The following CSE1L variants were observed in gnomAD, a reference collection of about 807,000 sequenced individuals.
CSE1L encodes the protein exportin-2.
A neutral mutation model predicts 120.4 loss-of-function variants in CSE1L; 24 were observed. The observed-to-expected ratio is 0.20, with a 90% CI of 0.14 to 0.28. The LOEUF (loss-of-function observed/expected upper bound fraction) is 0.28, where lower values mean the gene tolerates loss of function less well. Ranked by LOEUF, CSE1L falls within the 10% of genes least tolerant of loss-of-function variation. The pLI, the probability that CSE1L is intolerant of heterozygous loss-of-function variation, is 1.00. For synonymous variants in CSE1L, 402 were observed against 398.3 expected (o/e 1.01, Z -0.11); for missense variants, 830 against 1,145.2 (o/e 0.72, Z 3.97).
rs1409108816 is a variant in CSE1L, at chr20:49,096,508, A to G, written c.*70A>G. 1.3e-5 allele frequency: 15 copies of G among 1,151,790 alleles called. No homozygotes were observed. The highest frequency in any genetic ancestry group is 1.7e-5 in the Non-Finnish European group (13 of 766,896). 71.3% of individuals were successfully genotyped at this position (1,151,790 alleles called of 1,614,324 possible). ...ATCACAGGCTTCTGAGCACAGCTGC[A>G]TTAAAACAAAGGAAGTTCTCCTTTT... On this transcript the variant is annotated 3_prime_UTR_variant, in exon 25 of 25. Coordinates refer to ENST00000262982, the MANE Select transcript of CSE1L (RefSeq NM_001316.4).
chr20:49,054,613 A>G (rs966424043), intron 1 of CSE1L, among the ~76,000 whole-genome samples: 3 of 152,248 alleles, frequency 2.0e-5, no homozygotes, highest in Admixed American at 6.5e-5. Flanking sequence ...AATAAATGAT[A>G]TGAAGCCTAT....
Position 49,070,192 on chromosome 20 carries a change from G to C in CSE1L, c.676-13G>C. On this transcript the variant is annotated splice_polypyrimidine_tract_variant and intron_variant, in intron 7 of 24. Transcript: ENST00000262982. ...TTTTAATCAAAAGTTTCAAGTCAGT[G>C]TTTATTCTGTAGGATCTCCCTGAAT... 7.9e-7 allele frequency: 1 copy of C among 1,262,668 alleles called. No homozygotes were observed. Among genetic ancestry groups the C allele is most frequent in the Non-Finnish European group, 1.1e-6 (1 of 893,622 alleles). The allele number at this position is 1,262,668 out of a possible 1,614,324, so 78.2% of individuals were successfully genotyped here. A position where few individuals can be genotyped will look rare whatever the true frequency, so the allele number is the denominator to read the frequency against.
Position 49,072,566 on chromosome 20 carries a change from A to G in CSE1L, c.937-2A>G. 1 of 1,607,682 alleles carries G rather than the reference A, an allele frequency of 6.2e-7. No homozygotes were observed. The highest frequency in any genetic ancestry group is 8.5e-7 in the Non-Finnish European group (1 of 1,177,324). On this transcript the variant is annotated splice_acceptor_variant, in intron 9 of 24. Transcript: ENST00000262982. LOFTEE classifies it high-confidence loss of function. ...TATTCTTGTTTTTGTGTTTTGTTCC[A>G]GTTGGTAAGTAATGCAATTCAATTT...
chr20:49,059,872 G>A (rs527403746), intron 2 of CSE1L, among the ~76,000 whole-genome samples: 3 of 150,070 alleles, frequency 2.0e-5, no homozygotes, highest in East Asian at 2.0e-4. Context: ...AGAGCGAGAC[G>A]TAGTCCCAAA....
chr20:49,063,324 A>C lies in CSE1L; in HGVS notation c.208A>C (p.Ile70Leu). ...TGCTTCAGTAACATTCAAAAACTATATTAAAAGGAACTGGAGAATTGTAAG... is the reference window on the plus strand; with the variant it reads ...TGCTTCAGTAACATTCAAAAACTATCTTAAAAGGAACTGGAGAATTGTAAG... ...VCASVTFKNYIKRNWRIVEDE... is the reference protein window; with the variant it reads ...VCASVTFKNYLKRNWRIVEDE... Residue 70 changes from isoleucine (I) to leucine (L), a missense_variant, in exon 3 of 25, where the codon ATT (isoleucine) becomes CTT (leucine). Ile to Leu is a conservative substitution (Grantham distance 5). Coordinates refer to ENST00000262982, the MANE Select transcript of CSE1L (RefSeq NM_001316.4). 6.6e-7 allele frequency: 1 copy of C among 1,507,268 alleles called. No individual in the cohort carries two copies. 93.4% of individuals were successfully genotyped at this position (1,507,268 alleles called of 1,614,324 possible). A position where few individuals can be genotyped will look rare whatever the true frequency, so the allele number is the denominator to read the frequency against.
At chr20:49,070,708 G>A (rs1334510737) in intron 8 of CSE1L, among the ~76,000 whole-genome samples, 2 of 151,944 alleles carry the variant, frequency 1.3e-5, no homozygotes, top group Non-Finnish European at 1.5e-5. Context: ...AGGTGGGGAG[G>A]ATCCCTTGAG....
chr20:49,049,009 A>G (rs1041143453), intron 1 of CSE1L, among the ~76,000 whole-genome samples: 7 of 152,182 alleles, frequency 4.6e-5, no homozygotes, highest in Admixed American at 2.0e-4. Context: ...CTCCACCTGT[A>G]ATTGAGGGCC....
At chr20:49,070,117 A>G in intron 7 of CSE1L, 88 bp from the exon 8 acceptor site, 2 of 635,502 alleles carry the variant, frequency 3.1e-6, no homozygotes, top group Non-Finnish European at 5.5e-6. Context: ...CTGTGTATAA[A>G]ATGTTTTGTC....
At position 49,070,255 on chromosome 20, in the gene CSE1L, T is replaced by C. The variant is rs1051528; in HGVS notation, c.726T>C (p.Phe242=). The C allele has an allele frequency of 8.3e-5, 122 of 1,474,168 alleles. 1 individual carries two copies. The African/African-American group carries it at 1.5e-3, about 18-fold the overall frequency. The allele number at this position is 1,474,168 out of a possible 1,614,324, so 91.3% of individuals were successfully genotyped here. A position where few individuals can be genotyped will look rare whatever the true frequency, so the allele number is the denominator to read the frequency against. ...EDNMETWMNN[F]HTLLTLDNKL... Reference sequence around the variant, plus strand: ...ATATGGAAACTTGGATGAATAATTTTCATACTCTCTTAACATTGGATAATA... The same window carrying C: ...ATATGGAAACTTGGATGAATAATTTCCATACTCTCTTAACATTGGATAATA... Residue 242 remains phenylalanine (F), a synonymous_variant, in exon 8 of 25, where the codon TTT becomes TTC. Coordinates refer to ENST00000262982, the MANE Select transcript of CSE1L (RefSeq NM_001316.4).
chr20:49,066,308 CT>C lies in CSE1L; in HGVS notation c.330+20del. On this transcript the variant is annotated intron_variant, in intron 4 of 24. Transcript: ENST00000262982. ...TTCAGAAGCAGGTAATGTCGCTCCA[CT>C]TTTTAGATGGGCTCCTCTGTAAAGC... 1 of 1,614,154 alleles carries C rather than the reference CT, an allele frequency of 6.2e-7. No homozygotes were observed.
chr20:49,076,970 T>G lies in CSE1L; in HGVS notation c.1336-10T>G, dbSNP rs1432352204. The G allele has an allele frequency of 1.9e-6, 3 of 1,574,694 alleles. No individual in the cohort carries two copies. In the South Asian group the frequency reaches 3.5e-5, roughly 18 times the overall value. On this transcript the variant is annotated splice_polypyrimidine_tract_variant and intron_variant, in intron 12 of 24. Coordinates refer to ENST00000262982, the MANE Select transcript of CSE1L (RefSeq NM_001316.4). The stretch of plus-strand genomic sequence containing the variant: ...TTGTTATTTTACTATGTTATGAATT[T>G]GCTTTTCAGCATGGAATTACACAAG...
At chr20:49,086,239 T>C (rs891592212) in intron 16 of CSE1L, among the ~76,000 whole-genome samples, 2 of 152,164 alleles carry the variant, frequency 1.3e-5, no homozygotes, top group African/African-American at 4.8e-5. Context: ...AGAAACTCCC[T>C]GATCTTTTCA....
intron 2 of CSE1L, among the ~76,000 whole-genome samples, chr20:49,060,801 T>G (rs1282025674): frequency 1.3e-5 from 2 of 151,768 alleles, no homozygotes; most frequent in African/African-American, 4.8e-5. Context: ...TGAAATACAG[T>G]GCAAGCCAAA....
intron 2 of CSE1L, among the ~76,000 whole-genome samples, chr20:49,058,849 A>G (rs188713366): frequency 6.0e-4 from 92 of 152,308 alleles, no homozygotes; most frequent in African/African-American, 2.1e-3. Flanking sequence ...TGCCTGCTTT[A>G]GGCCGGATGC....
chr20:49,089,180 T>C, intron 17 of CSE1L, 67 bp from the exon 18 acceptor site: 2 of 1,294,234 alleles, frequency 1.5e-6, no homozygotes, highest in Non-Finnish European at 2.1e-6. Flanking sequence ...GCCTCTATTT[T>C]AAATGTGTTT....
intron 8 of CSE1L, among the ~76,000 whole-genome samples, chr20:49,071,510 G>A (rs1009921572): frequency 6.6e-6 from 1 of 152,124 alleles, no homozygotes; most frequent in Non-Finnish European, 1.5e-5. Context: ...GTCTTCCCTT[G>A]TCTCACTCTG....
At chr20:49,079,565 C>T (rs1484312399) in intron 14 of CSE1L, among the ~76,000 whole-genome samples, 1 of 151,914 alleles carries the variant, frequency 6.6e-6, no homozygotes, top group African/African-American at 2.4e-5. Context: ...AGAAAACACT[C>T]ATTTATCTTA....
rs763077862 is a variant in CSE1L, at chr20:49,066,444, G to A, written c.410G>A (p.Arg137His). The A allele has an allele frequency of 1.2e-5, 19 of 1,614,000 alleles. No homozygotes were observed. Among genetic ancestry groups the A allele is most frequent in the East Asian group, 6.7e-5 (3 of 44,896 alleles). Reference sequence around the variant, plus strand: ...GACTTGCTGACAGAAATGGTGAATCGCTTTCAGAGTGGAGATTTCCATGTT... The same window carrying A: ...GACTTGCTGACAGAAATGGTGAATCACTTTCAGAGTGGAGATTTCCATGTT... ...WPDLLTEMVN[R>H]FQSGDFHVIN... The change falls in exon 5 of 25, where the codon CGC becomes CAC. Residue 137 changes from arginine (R) to histidine (H), a missense_variant. Arg to His is a conservative substitution (Grantham distance 29). Coordinates refer to ENST00000262982, the MANE Select transcript of CSE1L (RefSeq NM_001316.4).
intron 17 of CSE1L, among the ~76,000 whole-genome samples, chr20:49,088,879 A>G (rs551083458): frequency 1.4e-4 from 21 of 152,308 alleles, no homozygotes; most frequent in African/African-American, 4.1e-4. Flanking sequence ...CTTAAAAAGA[A>G]CATAAAAAAC....
Sources: gnomAD v4.1 joint callset for allele counts (sites outside exome capture counted in the v4.1 genomes callset) on GRCh38, gnomAD v4.1.1 for gene constraint, MANE v1.5 for transcripts, NCBI Gene and HGNC (gene_info 2026-07-23, HGNC 2026-07-21) for gene names.